Variants in TEP1 observed in about 807,000 individuals in gnomAD.
TEP1 encodes the protein telomerase protein component 1.
TEP1 carries 241 observed loss-of-function variants against 306.3 expected under a neutral mutation model. That is an observed-to-expected ratio of 0.79 (90% CI 0.71 to 0.88). TEP1 has a LOEUF of 0.88. TEP1 is among the 40% of genes least tolerant of loss of function. TEP1 has a pLI of 0.00. For synonymous variants in TEP1, 1,289 were observed against 1,305.5 expected, an observed-to-expected ratio of 0.99 and a Z score of 0.27; for missense variants, 3,051 against 3,276.1, an observed-to-expected ratio of 0.93 and a Z score of 1.68.
chr14:20,410,147 G>A (rs1464762655), intron 1 of TEP1, among the ~76,000 whole-genome samples: 1 of 150,642 alleles, frequency 6.6e-6, no homozygotes, highest in Admixed American at 6.6e-5. Context: ...CAATATAGAA[G>A]CTATTATTAT....
rs763910539 is a variant in TEP1 at position 20,383,159 on chromosome 14, G to A, written c.4047+15C>T. 120 of 1,571,780 alleles carry A rather than the reference G, an allele frequency of 7.6e-5. No homozygotes were observed. The highest frequency in any genetic ancestry group is 9.7e-5 in the Non-Finnish European group (112 of 1,160,056). ...TTCACCCCACACACCCACCGGCCCCGGCCTAGAACCCAACCTGGTTGTTAA... is the reference window on the plus strand; with the variant it reads ...TTCACCCCACACACCCACCGGCCCCAGCCTAGAACCCAACCTGGTTGTTAA... On this transcript the variant is annotated intron_variant, in intron 27 of 54. Transcript: ENST00000262715.
At chr14:20,388,331 G>C (rs542004202) in intron 17 of TEP1, among the ~76,000 whole-genome samples, 1 of 152,180 alleles carries the variant, frequency 6.6e-6, no homozygotes, top group Non-Finnish European at 1.5e-5. Flanking sequence ...GGGCAACGGG[G>C]TAGGGAAAGG....
chr14:20,368,361 T>C lies in TEP1; in HGVS notation c.*76A>G, dbSNP rs1884595579. 6.8e-7 allele frequency: 1 copy of C among 1,474,804 alleles called. No individual in the cohort carries two copies. Among genetic ancestry groups the C allele is most frequent in the African/African-American group, 1.4e-5 (1 of 70,942 alleles). The allele number at this position is 1,474,804 out of a possible 1,614,324, so 91.4% of individuals were successfully genotyped here. ...TATCAAGAAATTATTAATTTTATAA[T>C]TATTAAAAGCTACCAGTGTCTTCAG... On this transcript the variant is annotated 3_prime_UTR_variant, in exon 55 of 55. Transcript: ENST00000262715.
chr14:20,369,211 T>A, intron 53 of TEP1, 133 bp downstream of exon 53: 1 of 887,230 alleles, frequency 1.1e-6, no homozygotes, highest in South Asian at 1.6e-5. Context: ...GGTTTCACCG[T>A]GTTAGCCAGG....
rs1268888013 is a variant in TEP1, at chr14:20,408,394, A to G, written c.46T>C (p.Ser16Pro). The G allele has an allele frequency of 6.2e-7, 1 of 1,614,078 alleles. No individual in the cohort carries two copies. The change falls in exon 2 of 55, where the codon TCC becomes CCC. Residue 16 changes from serine to proline, a missense_variant. This residue lies in a region of TEP1 where 1,507 missense variants were observed against 1,550.5 expected (regional missense o/e 0.97). Transcript: ENST00000262715. ...ATAGCCAGGCACCGGTTCTCCAAGG[A>G]GAGGATGTCTGGATGGGCAGACACA... ...GHVSAHPDILSLENRCLAMLP... is the reference protein window; with the variant it reads ...GHVSAHPDILPLENRCLAMLP...
In TEP1 at chr14:20,403,369, G is replaced by A; in HGVS notation, c.1266+8C>T. On this transcript the variant is annotated splice_region_variant and intron_variant, in intron 7 of 54. Coordinates refer to ENST00000262715, the MANE Select transcript of TEP1 (RefSeq NM_007110.5). ...TGCACATATACAACCCCAGAAGAAG[G>A]GACTCACCTTTCTCTGCTCTTCTCT... is the stretch of plus-strand genomic sequence containing the variant. The A allele has an allele frequency of 6.2e-7, 1 of 1,613,896 alleles. No homozygotes were observed. The highest frequency in any genetic ancestry group is 8.5e-7 in the Non-Finnish European group (1 of 1,179,982).
Position 20,375,854 on chromosome 14 carries a change from C to G in TEP1, c.6264G>C (p.Trp2088Cys). 6.2e-7 allele frequency: 1 copy of G among 1,612,708 alleles called. No individual in the cohort carries two copies. The highest frequency in any genetic ancestry group is 8.5e-7 in the Non-Finnish European group (1 of 1,179,204). Residue 2088 changes from tryptophan (W) to cysteine (C), a missense_variant, in exon 43 of 55, where the codon TGG becomes TGC. Trp to Cys is a radical substitution (Grantham distance 215). Around this residue, in one of 3 missense-constraint regions of TEP1, gnomAD observed 1,540 missense variants for 1,705.9 expected, o/e 0.90. Coordinates refer to ENST00000262715, the MANE Select transcript of TEP1 (RefSeq NM_007110.5). ...CAGGGGTTTTGGGTGTCCTCACGTC[C>G]CAGCAGAGGAGACTCTGGATAGGCC... is the stretch of plus-strand genomic sequence containing the variant. ...TGGRDRSLLC[W>C]DVRTPKTPVL...
In TEP1 at chr14:20,382,719, G is replaced by A; in HGVS notation, c.4048-4C>T. On this transcript the variant is annotated splice_polypyrimidine_tract_variant and splice_region_variant and intron_variant, in intron 27 of 54. Coordinates refer to ENST00000262715, the MANE Select transcript of TEP1 (RefSeq NM_007110.5). ...GCTTCACCAGCAGCAGTCGCATCTGGCAAGACTCAGGACTCAGGGTGGGGT... is the reference window on the plus strand; with the variant it reads ...GCTTCACCAGCAGCAGTCGCATCTGACAAGACTCAGGACTCAGGGTGGGGT... 1 of 1,613,950 alleles carries A rather than the reference G, an allele frequency of 6.2e-7. No homozygotes were observed. Among genetic ancestry groups the A allele is most frequent in the Admixed American group, 1.7e-5 (1 of 60,026 alleles).
chr14:20,387,884 G>A (rs1877336029), intron 18 of TEP1, 21 bp downstream of exon 18: 1 of 1,578,104 alleles, frequency 6.3e-7, no homozygotes, highest in Non-Finnish European at 8.6e-7. Context: ...AATTCACAAA[G>A]GCATAGAAAC....
At position 20,366,038 on chromosome 14, in the gene TEP1, T is replaced by G. The variant is rs941772463; in HGVS notation, c.*2399A>C. On this transcript the variant is annotated 3_prime_UTR_variant, in exon 55 of 55. Transcript: ENST00000262715. ...GAAGGATGTTTAATGTAAACCTAAA[T>G]TGATTTTCCCTTCAACTCCTTTTGG... is the stretch of plus-strand genomic sequence containing the variant. The G allele has an allele frequency of 6.6e-6, 1 of 152,250 alleles. No individual in the cohort carries two copies. The highest frequency in any genetic ancestry group is 6.5e-5 in the Admixed American group (1 of 15,290). 9.4% of individuals were successfully genotyped at this position (152,250 alleles called of 1,614,324 possible).
intron 17 of TEP1, among the ~76,000 whole-genome samples, 175 bp downstream of exon 17, chr14:20,389,054 AGGAGGATCG>A (rs1475570986): frequency 6.6e-6 from 1 of 151,920 alleles, no homozygotes; most frequent in Non-Finnish European, 1.5e-5. Flanking sequence ...AGGCGGAGGC[AGGAGGATCG>A]CTTGAACCCA....
At position 20,378,125 on chromosome 14, in the gene TEP1, C is replaced by T. The variant is rs974354325; in HGVS notation, c.5620G>A (p.Gly1874Arg). The change falls in exon 39 of 55, where the codon GGG becomes AGG. Residue 1874 changes from glycine (G) to arginine (R), a missense_variant. Around this residue, in one of 3 missense-constraint regions of TEP1, gnomAD observed 1,540 missense variants for 1,705.9 expected, o/e 0.90. Transcript: ENST00000262715. ...GCAGGGAAGGCAGCCAGCCGTGCCC[C>T]TTCTCGCCAGGCCCACAGCTCCACC... is the stretch of plus-strand genomic sequence containing the variant. ...SMVELWAWRE[G>R]ARLAAFPAHH... 1 of 1,613,950 alleles carries T rather than the reference C, an allele frequency of 6.2e-7. No individual in the cohort carries two copies. Among genetic ancestry groups the T allele is most frequent in the Non-Finnish European group, 8.5e-7 (1 of 1,180,032 alleles).
At chr14:20,401,288 G>A in intron 8 of TEP1, 147 bp from the exon 9 acceptor site, 1 of 1,374,798 alleles carries the variant, frequency 7.3e-7, no homozygotes, top group Non-Finnish European at 9.8e-7. Flanking sequence ...CATGTTTACA[G>A]GTGAGTCAGA....
chr14:20,369,873 T>A (rs1183522254), intron 51 of TEP1, 94 bp from the exon 52 acceptor site: 5 of 202,724 alleles, frequency 2.5e-5, no homozygotes, highest in East Asian at 1.5e-4. Context: ...TGGTCAGGAA[T>A]TTTTTTTTTT....
Position 20,383,810 on chromosome 14 carries a change from G to A in TEP1, c.3643C>T (p.Leu1215Phe). The A allele has an allele frequency of 6.2e-7, 1 of 1,609,788 alleles. No individual in the cohort carries two copies. Among genetic ancestry groups the A allele is most frequent in the Admixed American group, 1.7e-5 (1 of 59,484 alleles). Residue 1215 changes from leucine to phenylalanine, a missense_variant, in exon 25 of 55, where the codon CTC (leucine) becomes TTC (phenylalanine). This residue lies in a region of TEP1 where 1,507 missense variants were observed against 1,550.5 expected (regional missense o/e 0.97). Coordinates refer to ENST00000262715, the MANE Select transcript of TEP1 (RefSeq NM_007110.5). ...RPDQGLALTL[L>F]RRLCTYLRGQ... is the part of the protein sequence containing the mutation. The stretch of plus-strand genomic sequence containing the variant: ...CGCAGATAGGTACAGAGGCGTCTGA[G>A]CAGAGTGAGGGCAAGACCCTGGTCA...
chr14:20,378,141 C>T lies in TEP1; in HGVS notation c.5604G>A (p.Leu1868=), dbSNP rs201018518. The T allele has an allele frequency of 3.7e-5, 60 of 1,613,998 alleles. No individual in the cohort carries two copies. The Admixed American group carries it at 6.5e-4, about 17-fold the overall frequency. The change falls in exon 39 of 55, where the codon CTG becomes CTA. Residue 1868 remains leucine, a synonymous_variant. Coordinates refer to ENST00000262715, the MANE Select transcript of TEP1 (RefSeq NM_007110.5). The part of the protein sequence containing the change: ...AVGRLDSMVE[L]WAWREGARLA... ...GCCGTGCCCCTTCTCGCCAGGCCCA[C>T]AGCTCCACCATACTGTCCAGCCGGC...
At chr14:20,395,993 A>G in intron 10 of TEP1, 44 bp from the exon 11 acceptor site, 1 of 1,516,182 alleles carries the variant, frequency 6.6e-7, no homozygotes, top group Non-Finnish European at 9.2e-7. Flanking sequence ...AGGAGCCGGG[A>G]GTATGGGGGG....
rs1313400587 is a variant in TEP1, at chr14:20,385,174, C to G, written c.2983-65G>C. 9 of 1,596,674 alleles carry G rather than the reference C, an allele frequency of 5.6e-6. No homozygotes were observed. In the East Asian group the frequency reaches 2.0e-4, roughly 36 times the overall value. ...ACAATGACCCTCCCTCCAGACCTGC[C>G]AAGGCCCCAGGACTCCTGTATCTCT... On this transcript the variant is annotated intron_variant, in intron 20 of 54. Coordinates refer to ENST00000262715, the MANE Select transcript of TEP1 (RefSeq NM_007110.5).
At chr14:20,375,443 C>T (rs1206096691) in intron 43 of TEP1, among the ~76,000 whole-genome samples, 4 of 152,124 alleles carry the variant, frequency 2.6e-5, no homozygotes, top group African/African-American at 4.8e-5. Context: ...TGTGAGCCAC[C>T]GTGCCCAGAC....
Sources: gnomAD v4.1 joint callset for allele counts (sites outside exome capture counted in the v4.1 genomes callset) on GRCh38, gnomAD v4.1.1 for gene constraint, gnomAD v4.1.1 regional missense constraint, MANE v1.5 for transcripts, NCBI Gene and HGNC (gene_info 2026-07-23, HGNC 2026-07-21) for gene names.